The following CTBP2 variants were observed in gnomAD, a reference collection of about 807,000 sequenced individuals.
CTBP2 encodes C-terminal binding protein 2, also known as C-terminal-binding protein 2.
Under a neutral mutation model 80.3 loss-of-function variants are expected in CTBP2, and 30 were observed. The ratio of observed to expected loss-of-function variants is 0.37; its 90% CI spans 0.28 to 0.51. The LOEUF (loss-of-function observed/expected upper bound fraction) is 0.51. Among genes scored for constraint, CTBP2 ranks in the 20% least tolerant of loss-of-function variants. The pLI is 0.93. For missense variants in CTBP2, 1,212 were observed against 1,375.3 expected, an observed-to-expected ratio of 0.88 and a Z score of 1.88; for synonymous variants, 594 against 587.4, an observed-to-expected ratio of 1.01 and a Z score of -0.16.
chr10:124,993,634 A>AT (rs1953029723), intron 6 of CTBP2, among the ~76,000 whole-genome samples: 1 of 151,938 alleles, frequency 6.6e-6, no homozygotes, highest in African/African-American at 2.4e-5. Context: ...ACCCCCACCA[A>AT]TTTTCTGCCT....
chr10:124,985,070 G>A lies in CTBP2; in HGVS notation c.*4448C>T, dbSNP rs1952003210. 3 of 1,192,284 alleles carry A rather than the reference G, an allele frequency of 2.5e-6. No homozygotes were observed. The highest frequency in any genetic ancestry group is 3.6e-6 in the Non-Finnish European group (3 of 838,218). The allele number at this position is 1,192,284 out of a possible 1,614,324, so 73.9% of individuals were successfully genotyped here. A position where few individuals can be genotyped will look rare whatever the true frequency, so the allele number is the denominator to read the frequency against. ...AAGTTAGTGTGGTGCTCCAAGCAGA[G>A]TCGACATCATGGAATGAACCAAATC... On this transcript the variant is annotated 3_prime_UTR_variant, in exon 9 of 9. Transcript: ENST00000309035.
At chr10:125,045,157 C>T (rs1302724593) in intron 2 of CTBP2, among the ~76,000 whole-genome samples, 2 of 152,078 alleles carry the variant, frequency 1.3e-5, no homozygotes, top group Non-Finnish European at 2.9e-5. Context: ...GTCCGTAGTA[C>T]CCAATAGATG....
At chr10:125,032,693 G>A (rs1958380260), upstream of CTBP2, 1 of 154,686 alleles carries the variant, frequency 6.5e-6, no homozygotes, top group Non-Finnish European at 1.5e-5. Flanking sequence ...TTTTCATTTT[G>A]TTTGACACCC....
At position 125,097,990 on chromosome 10, in the gene CTBP2, G is replaced by A. The variant is rs12259853; in HGVS notation, c.-102+13000C>T. ...ACTAAAAGTAGCTGGGTGTGGCGGC[G>A]GGCGCCTGTAGTCCCAGCTACTAGG... is the stretch of plus-strand genomic sequence containing the variant. On this transcript the variant is annotated intron_variant, in intron 2 of 10. Coordinates refer to the CTBP2 transcript ENST00000337195. Among the ~76,000 whole-genome samples the A allele has an allele frequency of 4.1e-4, 63 of 152,184 alleles. 2 individuals are homozygous for A. Among genetic ancestry groups the A allele is most frequent in the Middle Eastern group, 3.4e-3 (1 of 294 alleles).
intron 2 of CTBP2, among the ~76,000 whole-genome samples, chr10:125,046,191 ACT>A (rs1456408311): frequency 2.0e-5 from 3 of 152,128 alleles, no homozygotes; most frequent in African/African-American, 4.8e-5. Context: ...TAAAAAATAG[ACT>A]CAACAATTTA....
Position 125,003,060 on chromosome 10 carries a change from G to A in CTBP2, c.1878C>T (p.Thr626=), listed in dbSNP as rs1954749495. ...ACTTCTCCAGGTCCTCCCTGGTGAGGGTGATGGTGTGGTACATCATGGCGC... is the reference window on the plus strand; with the variant it reads ...ACTTCTCCAGGTCCTCCCTGGTGAGAGTGATGGTGTGGTACATCATGGCGC... The change falls in exon 3 of 9, where the codon ACC becomes ACT. Residue 626 remains threonine, a synonymous_variant. Coordinates refer to ENST00000309035, the MANE Select transcript of CTBP2 (RefSeq NM_022802.3). The A allele has an allele frequency of 3.1e-6, 5 of 1,614,076 alleles. No individual in the cohort carries two copies. The highest frequency in any genetic ancestry group is 4.2e-6 in the Non-Finnish European group (5 of 1,180,034).
chr10:125,099,665 A>G (rs1850300304), intron 2 of CTBP2, among the ~76,000 whole-genome samples: 1 of 152,252 alleles, frequency 6.6e-6, no homozygotes, highest in Non-Finnish European at 1.5e-5. Context: ...TCAAAAACCC[A>G]TGGCTAAAGG....
At chr10:125,114,974 C>T (rs995173139) in intron 1 of CTBP2, among the ~76,000 whole-genome samples, 2 of 152,108 alleles carry the variant, frequency 1.3e-5, no homozygotes, top group Admixed American at 6.5e-5. Context: ...TGCCAGCTCT[C>T]GTTAGGACTT....
At chr10:125,074,729 A>G (rs1004595600) in intron 2 of CTBP2, among the ~76,000 whole-genome samples, 1 of 152,208 alleles carries the variant, frequency 6.6e-6, no homozygotes, top group African/African-American at 2.4e-5. Flanking sequence ...GTTCTCCAGT[A>G]ACTTCTTTCT....
At chr10:125,132,708 T>TA (rs1314591449) in intron 1 of CTBP2, among the ~76,000 whole-genome samples, 5 of 152,040 alleles carry the variant, frequency 3.3e-5, no homozygotes, top group East Asian at 1.9e-4. Context: ...CTTATTTGAA[T>TA]AAAAAAAACT....
Position 125,054,604 on chromosome 10 carries a change from T to C in CTBP2, c.-101-15449A>G, listed in dbSNP as rs573731416. On this transcript the variant is annotated intron_variant, in intron 2 of 10. Coordinates refer to the CTBP2 transcript ENST00000337195. ...TGCAAGACAATAAAGTTTTGTTGTTTTAAGCCTTTACATTTTGAGGTAATT... is the reference window on the plus strand; with the variant it reads ...TGCAAGACAATAAAGTTTTGTTGTTCTAAGCCTTTACATTTTGAGGTAATT... Among the ~76,000 whole-genome samples, 3 of 152,364 alleles carry C rather than the reference T, an allele frequency of 2.0e-5. No individual in the cohort carries two copies. The South Asian group carries it at 6.2e-4, about 32-fold the overall frequency.
intron 1 of CTBP2, among the ~76,000 whole-genome samples, chr10:125,114,752 G>A (rs529841548): frequency 6.6e-6 from 1 of 152,128 alleles, no homozygotes; most frequent in Non-Finnish European, 1.5e-5. Context: ...CGTTCTTTCA[G>A]AACAGCTTCT....
At chr10:125,151,160 T>C (rs897599826) in intron 1 of CTBP2, among the ~76,000 whole-genome samples, 2 of 152,158 alleles carry the variant, frequency 1.3e-5, no homozygotes, top group African/African-American at 4.8e-5. Flanking sequence ...CATAAGTTTC[T>C]GGAGCACCAA....
chr10:125,011,400 G>A (rs1046359734), intron 1 of CTBP2, among the ~76,000 whole-genome samples: 1 of 152,218 alleles, frequency 6.6e-6, no homozygotes, highest in African/African-American at 2.4e-5. Context: ...CAGAGCTGGC[G>A]AGGCAGGAGG....
intron 4 of CTBP2, 158 bp downstream of exon 6, chr10:124,997,806 T>TGAC (rs1173128346): frequency 8.4e-6 from 6 of 713,942 alleles, no homozygotes; most frequent in African/African-American, 1.8e-5. Flanking sequence ...TGATGGGTCT[T>TGAC]GACTCCGATC....
At position 125,027,212 on chromosome 10, in the gene CTBP2, G is replaced by C; in HGVS notation, c.548C>G (p.Ala183Gly). Reference sequence around the variant, plus strand: ...CCGTCCATACCGCCCGGGAGATGCAGCCCTGCTCTGTGTCTGCCGCCCCTG... The same window carrying C: ...CCGTCCATACCGCCCGGGAGATGCACCCCTGCTCTGTGTCTGCCGCCCCTG... The change falls in exon 1 of 9, where the codon GCT (alanine) becomes GGT (glycine). Residue 183 changes from alanine (A) to glycine (G), a missense_variant. Coordinates refer to ENST00000309035, the MANE Select transcript of CTBP2 (RefSeq NM_022802.3). 6.2e-7 allele frequency: 1 copy of C among 1,612,734 alleles called. No homozygotes were observed. Among genetic ancestry groups the C allele is most frequent in the Non-Finnish European group, 8.5e-7 (1 of 1,179,370 alleles).
intron 2 of CTBP2, among the ~76,000 whole-genome samples, chr10:125,094,154 G>A (rs2135721106): frequency 1.3e-5 from 2 of 152,302 alleles, no homozygotes; most frequent in South Asian, 4.1e-4. Context: ...AAAGCAGGCG[G>A]TAAGTTACGC....
At position 124,994,573 on chromosome 10, in the gene CTBP2, C is replaced by T; in HGVS notation, c.2296G>A (p.Val766Ile). 6.2e-7 allele frequency: 1 copy of T among 1,613,954 alleles called. No individual in the cohort carries two copies. The highest frequency in any genetic ancestry group is 8.5e-7 in the Non-Finnish European group (1 of 1,179,870). ...TACAGCAAATCCTGCAGGGTGTAGA[C>T]CCTCTGCACGCCCAGGGACCGCTCG... The change falls in exon 5 of 9, where the codon GTC becomes ATC. Residue 766 changes from valine (V) to isoleucine (I), a missense_variant. Val to Ile is a conservative substitution (Grantham distance 29, BLOSUM62 3). Transcript: ENST00000309035.
At chr10:125,029,245 G>GT (rs34949118), upstream of CTBP2, among the ~76,000 whole-genome samples, 70,479 of 137,710 alleles carry the variant, frequency 0.51, 18,631 homozygotes, top group East Asian at 0.65. Flanking sequence ...TTGAGACACA[G>GT]TTTTTTTTTT....
Sources: gnomAD v4.1 joint callset for allele counts (sites outside exome capture counted in the v4.1 genomes callset) on GRCh38, gnomAD v4.1.1 for gene constraint, MANE v1.5 for transcripts, NCBI Gene and HGNC (gene_info 2026-07-23, HGNC 2026-07-21) for gene names.